Variants in PTPRD observed in about 807,000 individuals in gnomAD.
PTPRD encodes the protein protein tyrosine phosphatase receptor type D.
A neutral mutation model predicts 214.5 loss-of-function variants in PTPRD; 34 were observed. The observed-to-expected ratio is 0.16, with a 90% CI of 0.12 to 0.21. PTPRD has a LOEUF of 0.21. PTPRD is among the 10% of genes least tolerant of loss of function. The pLI, the probability that PTPRD is intolerant of heterozygous loss-of-function variation, is 1.00. For missense variants in PTPRD, 2,545 were observed against 2,398.7 expected (o/e 1.06, Z -1.27); for synonymous variants, 1,128 against 845.7 (o/e 1.33, Z -5.79).
intron 39 of PTPRD, among the ~76,000 whole-genome samples, chr9:8,351,197 A>G (rs1333893351): frequency 6.6e-6 from 1 of 152,166 alleles, no homozygotes; most frequent in Non-Finnish European, 1.5e-5. Context: ...TGTCAAGCCC[A>G]CTTAAATATA....
chr9:8,456,031 G>C (rs923031342), intron 33 of PTPRD, among the ~76,000 whole-genome samples: 1 of 152,126 alleles, frequency 6.6e-6, no homozygotes, highest in African/African-American at 2.4e-5. Context: ...TGCAACTCTT[G>C]CCAGCCAAAA....
intron 5 of PTPRD, among the ~76,000 whole-genome samples, chr9:9,839,917 C>A (rs2057858684): frequency 6.6e-6 from 1 of 151,564 alleles, no homozygotes; most frequent in African/African-American, 2.4e-5. Flanking sequence ...CATTTTTAAA[C>A]ACACACACAC....
intron 10 of PTPRD, among the ~76,000 whole-genome samples, chr9:9,038,090 T>G (rs2099627624): frequency 6.6e-6 from 1 of 152,222 alleles, no homozygotes; most frequent in Non-Finnish European, 1.5e-5. Context: ...CCTTTCCCCT[T>G]TCTACATTCC....
At chr9:8,714,668 C>T (rs1355248609) in intron 12 of PTPRD, among the ~76,000 whole-genome samples, 1 of 152,098 alleles carries the variant, frequency 6.6e-6, no homozygotes, top group Non-Finnish European at 1.5e-5. Flanking sequence ...TACTCCTCCC[C>T]ATGGCTAACT....
chr9:8,465,612 G>C lies in PTPRD; in HGVS notation c.3568C>G (p.Pro1190Ala). ...IRYGREVELK[P>A]YIAAHFDVLP... Reference sequence around the variant, plus strand: ...ACATCAAAGTGAGCGGCAATATATGGCTTTAATTCAACTTCTCTCCCATAA... The same window carrying C: ...ACATCAAAGTGAGCGGCAATATATGCCTTTAATTCAACTTCTCTCCCATAA... Residue 1190 changes from proline (P) to alanine (A), a missense_variant, in exon 32 of 46, where the codon CCA becomes GCA. Physicochemically the swap from Pro to Ala is conservative, Grantham distance 27 (BLOSUM62 -1). Coordinates refer to ENST00000381196, the MANE Select transcript of PTPRD (RefSeq NM_002839.4). 2 of 1,612,432 alleles carry C rather than the reference G, an allele frequency of 1.2e-6. No homozygotes were observed. The highest frequency in any genetic ancestry group is 1.7e-6 in the Non-Finnish European group (2 of 1,178,968).
intron 10 of PTPRD, among the ~76,000 whole-genome samples, chr9:9,180,962 T>C (rs1343338351): frequency 2.0e-5 from 3 of 152,120 alleles, no homozygotes; most frequent in Non-Finnish European, 2.9e-5. Flanking sequence ...CATTGGAATA[T>C]GTAAATATTA....
chr9:9,136,339 A>G (rs2099850849), intron 10 of PTPRD, among the ~76,000 whole-genome samples: 1 of 152,174 alleles, frequency 6.6e-6, no homozygotes, highest in African/African-American at 2.4e-5. Flanking sequence ...GTAGCATTCT[A>G]TAAAACATTT....
In PTPRD at chr9:9,237,784, A is replaced by G. The variant is rs2099967825; in HGVS notation, c.-202-54421T>C. On this transcript the variant is annotated intron_variant, in intron 9 of 45. Transcript: ENST00000381196. ...AGTCAACTAAAACCCATTTTTTCAA[A>G]TCCCTGCTATCTATATGTTCAGTCC... 2.6e-5 allele frequency among the ~76,000 whole-genome samples: 4 copies of G among 152,122 alleles called. No individual in the cohort carries two copies. The Middle Eastern group carries it at 0.014, about 517-fold the overall frequency.
chr9:8,336,098 G>GA (rs1245769256), intron 43 of PTPRD, among the ~76,000 whole-genome samples: 2 of 149,158 alleles, frequency 1.3e-5, no homozygotes, highest in Admixed American at 6.6e-5. Flanking sequence ...CACAGAATGG[G>GA]AAAAAACTAC....
chr9:8,831,682 T>A (rs905145651), intron 11 of PTPRD, among the ~76,000 whole-genome samples: 6 of 152,164 alleles, frequency 3.9e-5, no homozygotes, highest in Non-Finnish European at 8.8e-5. Flanking sequence ...AGAACTCACA[T>A]ACAATCTGTC....
chr9:9,972,141 G>C (rs1035363890), intron 4 of PTPRD, among the ~76,000 whole-genome samples: 2 of 152,078 alleles, frequency 1.3e-5, no homozygotes, highest in Admixed American at 1.3e-4. Flanking sequence ...GAAATTGACA[G>C]TCAGAAACAT....
At chr9:9,792,317 C>A (rs991356359) in intron 5 of PTPRD, among the ~76,000 whole-genome samples, 1 of 152,134 alleles carries the variant, frequency 6.6e-6, no homozygotes, top group Non-Finnish European at 1.5e-5. Flanking sequence ...CATTTGAAAA[C>A]TCTGCCAGCA....
intron 11 of PTPRD, among the ~76,000 whole-genome samples, chr9:8,891,629 C>A (rs1249977922): frequency 3.9e-5 from 6 of 152,068 alleles, no homozygotes; most frequent in African/African-American, 1.4e-4. Context: ...CACACAATGG[C>A]CTGAATTCTT....
chr9:10,508,395 T>C (rs974391919), intron 2 of PTPRD, among the ~76,000 whole-genome samples: 4 of 152,172 alleles, frequency 2.6e-5, no homozygotes. Context: ...CGGCGATTCC[T>C]CAGGGATCTA....
intron 11 of PTPRD, among the ~76,000 whole-genome samples, chr9:8,951,091 G>A (rs368242826): frequency 7.9e-5 from 12 of 151,602 alleles, no homozygotes; most frequent in East Asian, 7.8e-4. Flanking sequence ...CTTATTTTAA[G>A]GCTAAAAGTT....
At chr9:9,175,940 AAGT>A (rs2099924564) in intron 10 of PTPRD, among the ~76,000 whole-genome samples, 1 of 152,132 alleles carries the variant, frequency 6.6e-6, no homozygotes, top group African/African-American at 2.4e-5. Context: ...AAGAAGCACA[AAGT>A]CTTTTATATA....
chr9:8,396,832 C>T (rs931586639), intron 36 of PTPRD, among the ~76,000 whole-genome samples: 12 of 152,100 alleles, frequency 7.9e-5, no homozygotes, highest in African/African-American at 2.7e-4. Flanking sequence ...GAAACTGCTC[C>T]AGGTTTCCCA....
intron 34 of PTPRD, among the ~76,000 whole-genome samples, chr9:8,443,642 A>G (rs1053440701): frequency 1.3e-5 from 2 of 152,144 alleles, no homozygotes; most frequent in Admixed American, 6.5e-5. Context: ...TAAAAGGTGC[A>G]AGCATAAACA....
At chr9:9,006,531 A>T (rs1006638777) in intron 11 of PTPRD, among the ~76,000 whole-genome samples, 2 of 151,988 alleles carry the variant, frequency 1.3e-5, no homozygotes, top group African/African-American at 4.8e-5. Context: ...TAAAATGGAG[A>T]TTGAACTCTA....
Sources: allele counts gnomAD v4.1 joint callset (sites outside exome capture counted in the v4.1 genomes callset), GRCh38; gene constraint gnomAD v4.1.1; transcripts MANE v1.5; gene names NCBI Gene and HGNC (gene_info 2026-07-23, HGNC 2026-07-21).